TNFRSF9: variants seen among roughly 807,000 people sequenced by gnomAD.
The protein encoded by TNFRSF9 is TNF receptor superfamily member 9.
TNFRSF9 carries 16 observed loss-of-function variants against 28.8 expected under a neutral mutation model. That is an observed-to-expected ratio of 0.55 (90% CI 0.38 to 0.84). The LOEUF (loss-of-function observed/expected upper bound fraction) is 0.84, where lower values mean the gene tolerates loss of function less well. TNFRSF9 is among the 40% of genes least tolerant of loss of function. TNFRSF9 has a pLI of 0.00. For synonymous variants in TNFRSF9, 131 were observed against 117.0 expected (o/e 1.12, Z -0.77); for missense variants, 303 against 315.0 (o/e 0.96, Z 0.29).
At chr1:7,939,842 G>T in intron 2 of TNFRSF9, 53 bp downstream of exon 2, 1 of 1,418,918 alleles carries the variant, frequency 7.0e-7, no homozygotes, top group South Asian at 1.3e-5. Flanking sequence ...TAGACTAACT[G>T]AACCATACTT....
At chr1:7,933,620 G>A (rs1359574394) in intron 6 of TNFRSF9, among the ~76,000 whole-genome samples, 3 of 151,998 alleles carry the variant, frequency 2.0e-5, no homozygotes, top group African/African-American at 7.3e-5. Flanking sequence ...GCTTGAACCC[G>A]GGAGGCGGAG....
intron 7 of TNFRSF9, chr1:7,922,091 G>C (rs1639568849): frequency 6.6e-6 from 1 of 152,168 alleles, no homozygotes; most frequent in African/African-American, 2.4e-5. Context: ...TGAAGTATTT[G>C]TGTTACTGCT....
intron 1 of TNFRSF9, among the ~76,000 whole-genome samples, chr1:7,940,406 T>G (rs1385861424): frequency 1.3e-5 from 2 of 152,194 alleles, no homozygotes; most frequent in Admixed American, 1.3e-4. Flanking sequence ...TGCCAATTAC[T>G]TATTGCCCCT....
Position 7,937,757 on chromosome 1 carries a change from C to T in TNFRSF9, c.347-1G>A. The T allele has an allele frequency of 6.2e-7, 1 of 1,610,116 alleles. No individual in the cohort carries two copies. The highest frequency in any genetic ancestry group is 8.5e-7 in the Non-Finnish European group (1 of 1,177,224). Reference sequence around the variant, plus strand: ...GTCCCAAAGCAACAGTCTTTACAACCTTGTATTAAAAATGAAAGCAATAAT... The same window carrying T: ...GTCCCAAAGCAACAGTCTTTACAACTTTGTATTAAAAATGAAAGCAATAAT... On this transcript the variant is annotated splice_acceptor_variant, in intron 4 of 7. Coordinates refer to ENST00000377507, the MANE Select transcript of TNFRSF9 (RefSeq NM_001561.6). LOFTEE classifies it high-confidence loss of function.
intron 7 of TNFRSF9, among the ~76,000 whole-genome samples, chr1:7,927,457 A>T (rs1174505107): frequency 6.6e-6 from 1 of 152,082 alleles, no homozygotes; most frequent in Non-Finnish European, 1.5e-5. Context: ...CTTCTTCCAA[A>T]TATACTCTTT....
chr1:7,920,671 A>AT lies in TNFRSF9; in HGVS notation c.*163dup. On this transcript the variant is annotated 3_prime_UTR_variant, in exon 8 of 8. Coordinates refer to ENST00000377507, the MANE Select transcript of TNFRSF9 (RefSeq NM_001561.6). ...GTCAAAAAAAAAAAAAAAGTGGTGC[A>AT]TTTTTAAAGGCCAACTCATTGGCAT... 1 of 594,032 alleles carries AT rather than the reference A, an allele frequency of 1.7e-6. No individual in the cohort carries two copies. The highest frequency in any genetic ancestry group is 3.0e-6 in the Non-Finnish European group (1 of 337,490). The allele number at this position is 594,032 out of a possible 1,614,324, so 36.8% of individuals were successfully genotyped here. A position where few individuals can be genotyped will look rare whatever the true frequency, so the allele number is the denominator to read the frequency against.
At chr1:7,931,723 T>C (rs1336023969) in intron 7 of TNFRSF9, among the ~76,000 whole-genome samples, 1 of 152,268 alleles carries the variant, frequency 6.6e-6, no homozygotes, top group Non-Finnish European at 1.5e-5. Flanking sequence ...GTAGAGTTAT[T>C]TGAATGTTTG....
chr1:7,924,384 T>G (rs1462277432), intron 7 of TNFRSF9, among the ~76,000 whole-genome samples: 1 of 150,124 alleles, frequency 6.7e-6, no homozygotes, highest in Admixed American at 6.6e-5. Flanking sequence ...CCCAGCACTT[T>G]GGGAGGCCAA....
intron 4 of TNFRSF9, among the ~76,000 whole-genome samples, 194 bp from the exon 5 acceptor site, chr1:7,937,950 T>C (rs1182499838): frequency 1.3e-5 from 2 of 152,252 alleles, no homozygotes; most frequent in African/African-American, 2.4e-5. Flanking sequence ...GTCTGGAACA[T>C]GTGAAGATTA....
At chr1:7,929,763 T>C (rs931777223) in intron 7 of TNFRSF9, among the ~76,000 whole-genome samples, 2 of 152,126 alleles carry the variant, frequency 1.3e-5, no homozygotes, top group African/African-American at 4.8e-5. Flanking sequence ...TCTGATTTTA[T>C]TGTGCTGGTT....
intron 2 of TNFRSF9, among the ~76,000 whole-genome samples, chr1:7,939,165 C>T (rs1465023338): frequency 6.6e-6 from 1 of 151,732 alleles, no homozygotes; most frequent in Non-Finnish European, 1.5e-5. Flanking sequence ...ACTAAAAATA[C>T]AAAAATTAGC....
chr1:7,934,895 C>T, intron 6 of TNFRSF9, 118 bp downstream of exon 6: 1 of 1,357,068 alleles, frequency 7.4e-7, no homozygotes, highest in Non-Finnish European at 1.0e-6. Context: ...GGGCAGGATT[C>T]AGGAAGAATG....
At position 7,917,841 on chromosome 1, in the gene TNFRSF9, T is replaced by C. The variant is rs1035905933; in HGVS notation, c.*2994A>G. 6.6e-6 allele frequency: 1 copy of C among 150,446 alleles called. No individual in the cohort carries two copies. Among genetic ancestry groups the C allele is most frequent in the Non-Finnish European group, 1.5e-5 (1 of 67,670 alleles). The allele number at this position is 150,446 out of a possible 1,614,324, so 9.3% of individuals were successfully genotyped here. On this transcript the variant is annotated 3_prime_UTR_variant, in exon 8 of 8. Transcript: ENST00000377507. ...TGGGAGGATCACTTGAGCTCAGGAG[T>C]TCAAGACCAGCCTGGGCAACATAAT...
rs77029141 is a variant in TNFRSF9 at position 7,940,148 on chromosome 1, CTTA to C, written c.-84-73_-84-71del. 2,035 of 515,362 alleles carry C rather than the reference CTTA, an allele frequency of 3.9e-3. 34 individuals carry two copies. Among genetic ancestry groups the C allele is most frequent in the African/African-American group, 0.034 (1,804 of 53,246 alleles). 31.9% of individuals were successfully genotyped at this position (515,362 alleles called of 1,614,324 possible). On this transcript the variant is annotated intron_variant, in intron 1 of 7. Coordinates refer to ENST00000377507, the MANE Select transcript of TNFRSF9 (RefSeq NM_001561.6). ...AAAATTATCTATATTGCAATCATTA[CTTA>C]TACAATTCTATAAGAGGATAACTCA... is the stretch of plus-strand genomic sequence containing the variant.
intron 7 of TNFRSF9, among the ~76,000 whole-genome samples, chr1:7,929,548 G>GA: frequency 6.6e-6 from 1 of 151,998 alleles, no homozygotes; most frequent in Non-Finnish European, 1.5e-5. Flanking sequence ...TGCTACTCCT[G>GA]AAAAAATATA....
intron 4 of TNFRSF9, 23 bp from the exon 5 acceptor site, chr1:7,937,779 T>G (rs753757340): frequency 6.3e-7 from 1 of 1,592,320 alleles, no homozygotes. Flanking sequence ...ATGAAAGCAA[T>G]AATAAAAGGG....
chr1:7,920,951 A>AT (rs766624496), intron 7 of TNFRSF9, 28 bp from the exon 8 acceptor site: 18 of 1,476,236 alleles, frequency 1.2e-5, no homozygotes, highest in Non-Finnish European at 1.7e-5. Flanking sequence ...AGATACGTAT[A>AT]TTTTGTTGTC....
chr1:7,940,117 C>A, intron 1 of TNFRSF9, 39 bp from the exon 2 acceptor site: 1 of 646,006 alleles, frequency 1.5e-6, no homozygotes, highest in South Asian at 2.4e-5. Context: ...GGTGGTTTCT[C>A]CTTTCAAAAT....
chr1:7,922,236 T>C (rs1360029722), intron 7 of TNFRSF9, among the ~76,000 whole-genome samples: 1 of 152,152 alleles, frequency 6.6e-6, no homozygotes, highest in Non-Finnish European at 1.5e-5. Flanking sequence ...TGGCAAGATG[T>C]TCAGAAATAC....
Sources: gnomAD v4.1 joint callset for allele counts (sites outside exome capture counted in the v4.1 genomes callset) on GRCh38, gnomAD v4.1.1 for gene constraint, MANE v1.5 for transcripts, NCBI Gene and HGNC (gene_info 2026-07-23, HGNC 2026-07-21) for gene names.